Variants in KIRREL3 observed in about 807,000 individuals in gnomAD.
KIRREL3 encodes the protein kin of IRRE-like protein 3.
In KIRREL3, 36 loss-of-function variants were observed where a neutral mutation model predicts 89.7. The ratio of observed to expected loss-of-function variants is 0.40; its 90% CI spans 0.31 to 0.53. The LOEUF (loss-of-function observed/expected upper bound fraction) is 0.53. KIRREL3 is among the 20% of genes least tolerant of loss of function. The pLI, the probability that KIRREL3 is intolerant of heterozygous loss-of-function variation, is 0.49. For missense variants in KIRREL3, 864 were observed against 1,056.6 expected (o/e 0.82, Z 2.53); for synonymous variants, 445 against 441.4 (o/e 1.01, Z -0.10).
At position 126,530,848 on chromosome 11, in the gene KIRREL3, T is replaced by TG. The variant is rs1958921724; in HGVS notation, c.134-4162dup. On this transcript the variant is annotated intron_variant, in intron 2 of 16. Transcript: ENST00000525144. The surrounding 1 kb of genome is among the most constrained non-coding windows in gnomAD (Gnocchi z 5.8). ...TTTATTTTTATTTTTCTTTTTTTTT[T>TG]GAGACGGAGTCTGACTTTGTTGCCC... is the stretch of plus-strand genomic sequence containing the variant. Among the ~76,000 whole-genome samples, 3 of 152,104 alleles carry TG rather than the reference T, an allele frequency of 2.0e-5. No individual in the cohort carries two copies. Among genetic ancestry groups the TG allele is most frequent in the African/African-American group, 4.8e-5 (2 of 41,404 alleles).
In KIRREL3 at chr11:126,684,796, G is replaced by T. The variant is rs1156456592; in HGVS notation, c.56-121884C>A. On this transcript the variant is annotated intron_variant, in intron 1 of 16. Transcript: ENST00000525144. The surrounding 1 kb of genome is among the most constrained non-coding windows in gnomAD (Gnocchi z 4.2). ...TTTAACACCTCTAAAGAAAGGAAAG[G>T]TGCGGCAGGTTGCGTGTGCGGGAGG... is the stretch of plus-strand genomic sequence containing the variant. Among the ~76,000 whole-genome samples, 2 of 152,290 alleles carry T rather than the reference G, an allele frequency of 1.3e-5. No homozygotes were observed. The highest frequency in any genetic ancestry group is 1.9e-4 in the East Asian group (1 of 5,184).
intron 1 of KIRREL3, among the ~76,000 whole-genome samples, chr11:126,781,937 C>T (rs1043811059): frequency 1.3e-5 from 2 of 152,182 alleles, no homozygotes; most frequent in African/African-American, 2.4e-5. Context: ...GTTCCCTTGA[C>T]TATGAATGCT....
At chr11:126,447,849 C>T (rs554620823) in intron 8 of KIRREL3, among the ~76,000 whole-genome samples, 2 of 152,242 alleles carry the variant, frequency 1.3e-5, no homozygotes, top group Non-Finnish European at 2.9e-5. Flanking sequence ...AGGGGGAGGG[C>T]CAGATTTTTT....
At chr11:126,503,140 C>T (rs1957915120) in intron 4 of KIRREL3, among the ~76,000 whole-genome samples, 2 of 152,176 alleles carry the variant, frequency 1.3e-5, no homozygotes, top group South Asian at 4.1e-4. Context: ...AAACCAAGGG[C>T]TCTCATTCTC....
intron 1 of KIRREL3, among the ~76,000 whole-genome samples, chr11:126,777,154 T>C (rs1259120551): frequency 6.6e-6 from 1 of 152,142 alleles, no homozygotes; most frequent in African/African-American, 2.4e-5. Context: ...TGGATTGCAA[T>C]GCCTGGGGAT....
rs1314472407 is a variant in KIRREL3, at chr11:126,791,973, C to G, written c.55+208482G>C. Among the ~76,000 whole-genome samples the G allele has an allele frequency of 6.6e-6, 1 of 152,142 alleles. No individual in the cohort carries two copies. The highest frequency in any genetic ancestry group is 1.5e-5 in the Non-Finnish European group (1 of 68,028). On this transcript the variant is annotated intron_variant, in intron 1 of 16. Transcript: ENST00000525144. The surrounding 1 kb of genome is among the most constrained non-coding windows in gnomAD (Gnocchi z 4.8). ...GAAATTCATTGGTGGTGTGGTTCTCCTCTTCTCTGTATGCCACTTTTCCCC... is the reference window on the plus strand; with the variant it reads ...GAAATTCATTGGTGGTGTGGTTCTCGTCTTCTCTGTATGCCACTTTTCCCC...
In KIRREL3 at chr11:126,568,865, T is replaced by C. The variant is rs569938046; in HGVS notation, c.56-5953A>G. 6.6e-6 allele frequency among the ~76,000 whole-genome samples: 1 copy of C among 152,176 alleles called. No individual in the cohort carries two copies. The highest frequency in any genetic ancestry group is 2.4e-5 in the African/African-American group (1 of 41,534). Reference sequence around the variant, plus strand: ...TCTTTTTCAGATATGAAAGTGGAGATGCAGAGAGGTGGAGTGAGCTCTCCA... The same window carrying C: ...TCTTTTTCAGATATGAAAGTGGAGACGCAGAGAGGTGGAGTGAGCTCTCCA... On this transcript the variant is annotated intron_variant, in intron 1 of 16. Transcript: ENST00000525144. This position sits in a 1 kb window ranked among gnomAD's most constrained non-coding sequence, Gnocchi z 4.6.
rs1198394713 is a variant in KIRREL3, at chr11:126,978,799, C to T, written c.55+21656G>A. ...CTAGTGTCTGCTCCCACAGGAGCTACCATATGTGGATGTCCCCTGGGTCCC... is the reference window on the plus strand; with the variant it reads ...CTAGTGTCTGCTCCCACAGGAGCTATCATATGTGGATGTCCCCTGGGTCCC... On this transcript the variant is annotated intron_variant, in intron 1 of 16. Coordinates refer to ENST00000525144, the MANE Select transcript of KIRREL3 (RefSeq NM_032531.4). The surrounding 1 kb of genome is among the most constrained non-coding windows in gnomAD (Gnocchi z 4.2). Among the ~76,000 whole-genome samples the T allele has an allele frequency of 1.3e-5, 2 of 152,158 alleles. No homozygotes were observed. Among genetic ancestry groups the T allele is most frequent in the South Asian group, 2.1e-4 (1 of 4,834 alleles).
chr11:126,659,254 A>G (rs2135005402), intron 1 of KIRREL3, among the ~76,000 whole-genome samples: 1 of 152,350 alleles, frequency 6.6e-6, no homozygotes, highest in Non-Finnish European at 1.5e-5. Flanking sequence ...ACAAAGGCTG[A>G]GATAGCTTCT....
intron 1 of KIRREL3, among the ~76,000 whole-genome samples, chr11:126,733,796 A>C (rs1948712372): frequency 6.6e-6 from 1 of 152,158 alleles, no homozygotes; most frequent in Admixed American, 6.5e-5. Context: ...CTTTTTTAGA[A>C]AAAAATTTGT....
rs144902084 is a variant in KIRREL3 at position 126,551,545 on chromosome 11, A to G, written c.133+11290T>C. Among the ~76,000 whole-genome samples the G allele has an allele frequency of 3.7e-3, 562 of 152,252 alleles. 3 individuals are homozygous for G. The highest frequency in any genetic ancestry group is 0.011 in the African/African-American group (464 of 41,532). ...GCCTCAGGCCATGCCCTGACTTTCA[A>G]CCACTGATCCCTTACAGCAAAAGAA... On this transcript the variant is annotated intron_variant, in intron 2 of 16. Coordinates refer to ENST00000525144, the MANE Select transcript of KIRREL3 (RefSeq NM_032531.4). The surrounding 1 kb of genome is among the most constrained non-coding windows in gnomAD (Gnocchi z 4.9).
In KIRREL3 at chr11:126,983,400, G is replaced by T. The variant is rs143263301; in HGVS notation, c.55+17055C>A. 6.6e-6 allele frequency among the ~76,000 whole-genome samples: 1 copy of T among 152,130 alleles called. No individual in the cohort carries two copies. Among genetic ancestry groups the T allele is most frequent in the African/African-American group, 2.4e-5 (1 of 41,426 alleles). On this transcript the variant is annotated intron_variant, in intron 1 of 16. Transcript: ENST00000525144. This position sits in a 1 kb window ranked among gnomAD's most constrained non-coding sequence, Gnocchi z 4.9. ...TCTTGCGGTAGACAGAATAATGGCC[G>T]CCAAAGATGCCCATGTCCTAATCCC... is the stretch of plus-strand genomic sequence containing the variant.
chr11:126,714,903 C>T (rs1947899375), intron 1 of KIRREL3, among the ~76,000 whole-genome samples: 1 of 152,216 alleles, frequency 6.6e-6, no homozygotes, highest in Non-Finnish European at 1.5e-5. Context: ...AAGGAGGCCC[C>T]TGCTGGGTGA....
chr11:126,784,708 C>T (rs976429928), intron 1 of KIRREL3, among the ~76,000 whole-genome samples: 1 of 151,818 alleles, frequency 6.6e-6, no homozygotes, highest in Non-Finnish European at 1.5e-5. Context: ...TCAGTCTCCG[C>T]TTATGTCCTC....
At chr11:126,733,220 T>C (rs1948691254) in intron 1 of KIRREL3, among the ~76,000 whole-genome samples, 1 of 152,184 alleles carries the variant, frequency 6.6e-6, no homozygotes, top group Non-Finnish European at 1.5e-5. Context: ...TTTTTAGAGA[T>C]GGTAACGAGG....
At chr11:126,654,244 G>T (rs1332461272) in intron 1 of KIRREL3, among the ~76,000 whole-genome samples, 1 of 152,086 alleles carries the variant, frequency 6.6e-6, no homozygotes, top group Non-Finnish European at 1.5e-5. Context: ...GTTGCTAAAG[G>T]ATGAGCAACT....
chr11:126,786,809 G>A (rs1252991482), intron 1 of KIRREL3, among the ~76,000 whole-genome samples: 1 of 152,158 alleles, frequency 6.6e-6, no homozygotes, highest in Non-Finnish European at 1.5e-5. Flanking sequence ...GGTCTGCTTG[G>A]AGGGCACTCT....
intron 2 of KIRREL3, among the ~76,000 whole-genome samples, chr11:126,552,759 C>T (rs942337075): frequency 4.0e-5 from 6 of 151,876 alleles, no homozygotes; most frequent in East Asian, 1.9e-4. Flanking sequence ...GACGGGGTTT[C>T]GCCATGTTGG....
chr11:126,610,041 C>T lies in KIRREL3; in HGVS notation c.56-47129G>A, dbSNP rs77756263. ...TTAAGTAAATGAGGCCGAAGTCACA[C>T]ATTGTTTCAGTTACAAAGTTAGGCC... is the stretch of plus-strand genomic sequence containing the variant. On this transcript the variant is annotated intron_variant, in intron 1 of 16. Transcript: ENST00000525144. This position sits in a 1 kb window ranked among gnomAD's most constrained non-coding sequence, Gnocchi z 4.6. Among the ~76,000 whole-genome samples the T allele has an allele frequency of 9.0e-3, 1,377 of 152,172 alleles. 19 individuals carry two copies. The highest frequency in any genetic ancestry group is 0.031 in the African/African-American group (1,307 of 41,520).
Sources: allele counts gnomAD v4.1 joint callset (sites outside exome capture counted in the v4.1 genomes callset), GRCh38; gene constraint gnomAD v4.1.1; non-coding constraint Gnocchi (gnomAD v3.1); transcripts MANE v1.5; gene names NCBI Gene and HGNC (gene_info 2026-07-23, HGNC 2026-07-21).